IGSF10: variants seen among roughly 807,000 people sequenced by gnomAD.
IGSF10 encodes immunoglobulin superfamily member 10.
In IGSF10, 126 loss-of-function variants were observed where a neutral mutation model predicts 128.2. The ratio of observed to expected loss-of-function variants is 0.98; its 90% CI spans 0.85 to 1.14. The LOEUF is 1.14. Ranked by LOEUF, IGSF10 falls within the 50% of genes most tolerant of loss-of-function variation. IGSF10 has a pLI of 0.00. For synonymous variants in IGSF10, 1,185 were observed against 1,146.2 expected (o/e 1.03, Z -0.68); for missense variants, 3,295 against 3,149.8 (o/e 1.05, Z -1.10).
chr3:151,595,069 G>A, the IGSF10 span, among the ~76,000 whole-genome samples: 29 of 152,040 alleles, frequency 1.9e-4, no homozygotes, highest in African/African-American at 6.0e-4. Context: ...ATGAGATAAC[G>A]CCTCACACCT....
chr3:151,491,890 T>A, the IGSF10 span, among the ~76,000 whole-genome samples: 3 of 152,062 alleles, frequency 2.0e-5, no homozygotes, highest in Admixed American at 6.5e-5. Flanking sequence ...TATAAAAACC[T>A]TCAATAAAAC....
At chr3:151,477,301 G>A in the IGSF10 span, among the ~76,000 whole-genome samples, 2 of 152,026 alleles carry the variant, frequency 1.3e-5, no homozygotes, top group Non-Finnish European at 2.9e-5. Flanking sequence ...TCTGATAGTA[G>A]GGAAAAGTAA....
the IGSF10 span, among the ~76,000 whole-genome samples, chr3:151,616,890 G>A: frequency 6.6e-6 from 1 of 152,148 alleles, no homozygotes; most frequent in Non-Finnish European, 1.5e-5. Context: ...TCAAGGTTGA[G>A]GGGTGGCATC....
the IGSF10 span, among the ~76,000 whole-genome samples, chr3:151,552,058 T>C: frequency 3.3e-5 from 5 of 152,096 alleles, no homozygotes; most frequent in Admixed American, 1.3e-4. Flanking sequence ...TGGGAGGTGA[T>C]TGGGTCACGG....
chr3:151,438,801 T>G (rs936747636), intron 7 of IGSF10, among the ~76,000 whole-genome samples: 19 of 138,616 alleles, frequency 1.4e-4, no homozygotes, highest in Admixed American at 7.9e-4. Flanking sequence ...ATATTTGAGA[T>G]ATATATATAT....
the IGSF10 span, among the ~76,000 whole-genome samples, chr3:151,569,724 C>T: frequency 1.3e-5 from 2 of 151,894 alleles, no homozygotes; most frequent in East Asian, 3.9e-4. Flanking sequence ...GGCATTATAA[C>T]TATTTTTTAA....
chr3:151,552,961 C>G, the IGSF10 span, among the ~76,000 whole-genome samples: 2 of 152,116 alleles, frequency 1.3e-5, no homozygotes, highest in Non-Finnish European at 1.5e-5. Flanking sequence ...TCATCCATGT[C>G]TATGAATCCA....
At chr3:151,525,941 C>T in the IGSF10 span, among the ~76,000 whole-genome samples, 3 of 152,154 alleles carry the variant, frequency 2.0e-5, no homozygotes, top group Non-Finnish European at 4.4e-5. Context: ...TTCTCACCCA[C>T]ACTCAAGGGG....
At chr3:151,453,097 T>C (rs1223492598) in intron 5 of IGSF10, among the ~76,000 whole-genome samples, 1 of 152,076 alleles carries the variant, frequency 6.6e-6, no homozygotes, top group Non-Finnish European at 1.5e-5. Flanking sequence ...GCTTGTAGCC[T>C]AAGGAGCATG....
chr3:151,609,610 A>G, the IGSF10 span, among the ~76,000 whole-genome samples: 1 of 152,278 alleles, frequency 6.6e-6, no homozygotes, highest in East Asian at 1.9e-4. Flanking sequence ...TCAACAGTGT[A>G]CGGATAAAGA....
chr3:151,432,650 C>G (rs1719666028), downstream of IGSF10: 1 of 846,140 alleles, frequency 1.2e-6, no homozygotes, highest in Non-Finnish European at 1.9e-6. Flanking sequence ...TTCTGTTTCC[C>G]TGTACCTGCA....
chr3:151,445,342 A>G lies in IGSF10; in HGVS notation c.4639T>C (p.Leu1547=), dbSNP rs1721119519. The part of the protein sequence containing the change: ...GTTHFIYSNL[L]HSTPMPALTT... Reference sequence around the variant, plus strand: ...AGTGCTGGCATGGGAGTAGAATGTAACAGATTAGAGTAGATGAAGTGAGTG... The same window carrying G: ...AGTGCTGGCATGGGAGTAGAATGTAGCAGATTAGAGTAGATGAAGTGAGTG... Residue 1547 remains leucine (L), a synonymous_variant, in exon 6 of 8, where the codon TTA becomes CTA. Transcript: ENST00000282466. 6.2e-7 allele frequency: 1 copy of G among 1,614,192 alleles called. No homozygotes were observed. The highest frequency in any genetic ancestry group is 1.7e-5 in the Admixed American group (1 of 60,014).
rs750226083 is a variant in IGSF10, at chr3:151,437,291, C to G, written c.7270G>C (p.Val2424Leu). 6.2e-7 allele frequency: 1 copy of G among 1,614,036 alleles called. No individual in the cohort carries two copies. Among genetic ancestry groups the G allele is most frequent in the Non-Finnish European group, 8.5e-7 (1 of 1,180,032 alleles). ...RNKVGYIEKL[V>L]ILEIGQKPVI... ...GGCTTCTGGCCAATTTCTAATATGA[C>G]TAATTTCTCAATATAGCCAACTTTA... The change falls in exon 8 of 8, where the codon GTC becomes CTC. Residue 2424 changes from valine to leucine, a missense_variant. Coordinates refer to ENST00000282466, the MANE Select transcript of IGSF10 (RefSeq NM_178822.5).
chr3:151,462,068 G>C (rs113417349), upstream of IGSF10, among the ~76,000 whole-genome samples: 10 of 151,992 alleles, frequency 6.6e-5, no homozygotes, highest in African/African-American at 2.4e-4. Context: ...TGGAGGCAGA[G>C]ATGCCTCCAG....
chr3:151,560,705 C>G, the IGSF10 span, among the ~76,000 whole-genome samples: 1 of 151,492 alleles, frequency 6.6e-6, no homozygotes, highest in African/African-American at 2.4e-5. Context: ...TGCCATAGCC[C>G]CCCCCTCCGT....
At position 151,437,241 on chromosome 3, in the gene IGSF10, C is replaced by G; in HGVS notation, c.7320G>C (p.Gly2440=). Residue 2440 remains glycine, a synonymous_variant, in exon 8 of 8, where the codon GGG becomes GGC. Coordinates refer to ENST00000282466, the MANE Select transcript of IGSF10 (RefSeq NM_178822.5). Reference sequence around the variant, plus strand: ...ATTCTCCACTGATGCCTTTTACTGTCCCTGGTGCATAGGTAAGAATAACTG... The same window carrying G: ...ATTCTCCACTGATGCCTTTTACTGTGCCTGGTGCATAGGTAAGAATAACTG... ...QKPVILTYAP[G]TVKGISGESL... is the part of the protein sequence containing the mutation. The G allele has an allele frequency of 6.2e-7, 1 of 1,614,218 alleles. No individual in the cohort carries two copies. The highest frequency in any genetic ancestry group is 8.5e-7 in the Non-Finnish European group (1 of 1,180,034).
At chr3:151,570,695 T>C in the IGSF10 span, among the ~76,000 whole-genome samples, 1 of 152,232 alleles carries the variant, frequency 6.6e-6, no homozygotes, top group Non-Finnish European at 1.5e-5. Flanking sequence ...GCCTGTTCAC[T>C]CTGATGGCAG....
chr3:151,594,246 C>A, the IGSF10 span, among the ~76,000 whole-genome samples: 2 of 151,194 alleles, frequency 1.3e-5, no homozygotes, highest in Non-Finnish European at 2.9e-5. Context: ...ATGGGAGATA[C>A]TGTCTGTGAA....
At position 151,446,504 on chromosome 3, in the gene IGSF10, GTTTAC is replaced by G. The variant is rs1222636259; in HGVS notation, c.3472_3476del (p.Val1158ArgfsTer8). Reference sequence around the variant, plus strand: ...TGCTAGACACACGTGGGTAACTGGCGTTTACTTTGTGAGTTTTTTCCATGGGTATG... The same window carrying G: ...TGCTAGACACACGTGGGTAACTGGCGTTTGTGAGTTTTTTCCATGGGTATG... On this transcript the variant is annotated frameshift_variant, in exon 6 of 8. Coordinates refer to ENST00000282466, the MANE Select transcript of IGSF10 (RefSeq NM_178822.5). LOFTEE classifies it high-confidence loss of function. 3.7e-6 allele frequency: 6 copies of G among 1,614,104 alleles called. No individual in the cohort carries two copies. Among genetic ancestry groups the G allele is most frequent in the South Asian group, 3.3e-5 (3 of 91,078 alleles).
Sources: gnomAD v4.1 joint callset for allele counts (sites outside exome capture counted in the v4.1 genomes callset) on GRCh38, gnomAD v4.1.1 for gene constraint, MANE v1.5 for transcripts, NCBI Gene and HGNC (gene_info 2026-07-23, HGNC 2026-07-21) for gene names.